The following ARSB variants were observed in gnomAD, a reference collection of about 807,000 sequenced individuals.
ARSB encodes the protein N-acetylgalactosamine-4-sulfatase.
A neutral mutation model predicts 50.9 loss-of-function variants in ARSB; 41 were observed. That is an observed-to-expected ratio of 0.81 (90% CI 0.63 to 1.04). The LOEUF (loss-of-function observed/expected upper bound fraction) is 1.04, where lower values mean the gene tolerates loss of function less well. Ranked by LOEUF, ARSB falls within the 50% of genes least tolerant of loss-of-function variation. The probability of loss-of-function intolerance (pLI) is 0.00; values close to 1 mark genes in which losing one functional copy is unlikely to be tolerated. For missense variants in ARSB, 672 were observed against 693.3 expected (o/e 0.97, Z 0.35); for synonymous variants, 269 against 284.8 (o/e 0.94, Z 0.56).
chr5:78,950,346 G>T (rs1258620685), intron 4 of ARSB, among the ~76,000 whole-genome samples: 2 of 152,152 alleles, frequency 1.3e-5, no homozygotes, highest in African/African-American at 2.4e-5. Context: ...ATAAGAACTG[G>T]CCCACCCTGC....
chr5:78,918,571 G>A (rs772064539), intron 4 of ARSB, among the ~76,000 whole-genome samples: 9 of 146,420 alleles, frequency 6.1e-5, no homozygotes, highest in Non-Finnish European at 1.2e-4. Context: ...ACACACACAT[G>A]CATGCACAAA....
chr5:78,822,222 T>A (rs907861532), intron 6 of ARSB, among the ~76,000 whole-genome samples: 2 of 152,210 alleles, frequency 1.3e-5, no homozygotes, highest in Non-Finnish European at 1.5e-5. Context: ...TATGTTAAAA[T>A]AATAAAGTTT....
rs77973138 is a variant in ARSB at position 78,820,918 on chromosome 5, T to C, written c.1213+18438A>G. ...TGGAAAGATCTCCAAGACAGATCAT[T>C]GACAGAAAAAAGTATGTGGCAAAAA... On this transcript the variant is annotated intron_variant, in intron 6 of 7. Transcript: ENST00000264914. Among the ~76,000 whole-genome samples the C allele has an allele frequency of 1.7e-4, 26 of 151,720 alleles. No homozygotes were observed. The East Asian group carries it at 5.0e-3, about 29-fold the overall frequency.
chr5:78,866,168 T>C (rs562767763), intron 5 of ARSB, among the ~76,000 whole-genome samples: 15 of 152,294 alleles, frequency 9.8e-5, no homozygotes, highest in African/African-American at 3.6e-4. Flanking sequence ...GACTGGGTAA[T>C]TTACCAAAGA....
intron 6 of ARSB, among the ~76,000 whole-genome samples, chr5:78,794,391 T>C (rs1001900241): frequency 6.6e-6 from 1 of 151,920 alleles, no homozygotes; most frequent in East Asian, 1.9e-4. Context: ...AATAAAAACA[T>C]CCAGTGTTTA....
intron 1 of ARSB, among the ~76,000 whole-genome samples, chr5:78,981,382 T>G (rs1243827263): frequency 6.6e-6 from 1 of 152,190 alleles, no homozygotes; most frequent in East Asian, 1.9e-4. Flanking sequence ...AGTTCATTTG[T>G]GAGGGCTGTG....
chr5:78,873,668 T>G (rs1194862357), intron 5 of ARSB, among the ~76,000 whole-genome samples: 1 of 150,808 alleles, frequency 6.6e-6, no homozygotes, highest in Non-Finnish European at 1.5e-5. Context: ...GCTAATTTTT[T>G]GTATTTTTAG....
chr5:78,960,084 A>G (rs1580129385), intron 3 of ARSB, among the ~76,000 whole-genome samples: 2 of 152,170 alleles, frequency 1.3e-5, no homozygotes, highest in East Asian at 3.8e-4. Context: ...CTTAGCTCCA[A>G]CCCTACCTGT....
chr5:78,850,495 A>C (rs887654842), intron 5 of ARSB, among the ~76,000 whole-genome samples: 1 of 151,704 alleles, frequency 6.6e-6, no homozygotes, highest in Admixed American at 6.6e-5. Flanking sequence ...ATCAATGTTC[A>C]TCAAGGATAT....
intron 5 of ARSB, among the ~76,000 whole-genome samples, chr5:78,846,962 G>A (rs186486085): frequency 9.2e-5 from 14 of 152,146 alleles, no homozygotes; most frequent in Admixed American, 4.6e-4. Context: ...ATTATGAAGC[G>A]ATGTTGAATT....
At chr5:78,848,061 A>C (rs114838026) in intron 5 of ARSB, among the ~76,000 whole-genome samples, 2,539 of 150,484 alleles carry the variant, frequency 0.017, 65 homozygotes, top group African/African-American at 0.058. Flanking sequence ...TTATTTTATT[A>C]TTATTATTAT....
At chr5:78,894,685 G>A (rs184237710) in intron 4 of ARSB, among the ~76,000 whole-genome samples, 1 of 152,302 alleles carries the variant, frequency 6.6e-6, no homozygotes, top group East Asian at 1.9e-4. Context: ...ACATGAAGCA[G>A]TTTGTTTAAA....
chr5:78,794,406 G>C (rs1027010449), intron 6 of ARSB, among the ~76,000 whole-genome samples: 2 of 152,202 alleles, frequency 1.3e-5, no homozygotes, highest in African/African-American at 2.4e-5. Flanking sequence ...TGTTTATTGA[G>C]GCCAGTGAAC....
intron 3 of ARSB, among the ~76,000 whole-genome samples, chr5:78,959,007 T>C (rs1044189258): frequency 6.6e-6 from 1 of 152,238 alleles, no homozygotes; most frequent in Non-Finnish European, 1.5e-5. Context: ...GTAAGTGATA[T>C]GGTTTGGCTG....
intron 5 of ARSB, among the ~76,000 whole-genome samples, chr5:78,848,929 A>T (rs1270035013): frequency 1.3e-5 from 2 of 149,878 alleles, no homozygotes; most frequent in Non-Finnish European, 3.0e-5. Flanking sequence ...TTTTTCTCGT[A>T]AATTTGTTTG....
chr5:78,925,810 G>A lies in ARSB; in HGVS notation c.898+29485C>T, dbSNP rs934770847. Among the ~76,000 whole-genome samples the A allele has an allele frequency of 9.9e-5, 15 of 152,086 alleles. No individual in the cohort carries two copies. In the South Asian group the frequency reaches 1.5e-3, roughly 15 times the overall value. On this transcript the variant is annotated intron_variant, in intron 4 of 7. Coordinates refer to ENST00000264914, the MANE Select transcript of ARSB (RefSeq NM_000046.5). ...AATGACTTCCCTGTGTTTATTTCCC[G>A]ATTTACAAAACGGTGATAATTATTT... is the stretch of plus-strand genomic sequence containing the variant.
chr5:78,834,806 G>A (rs1037434696), intron 6 of ARSB, among the ~76,000 whole-genome samples: 2 of 151,512 alleles, frequency 1.3e-5, no homozygotes, highest in African/African-American at 2.4e-5. Context: ...ACTCAGAAGT[G>A]GGATTGCTGG....
In ARSB at chr5:78,848,072, TTTA is replaced by T. The variant is rs1430451379; in HGVS notation, c.1143-8649_1143-8647del. Among the ~76,000 whole-genome samples, 9 of 150,870 alleles carry T rather than the reference TTTA, an allele frequency of 6.0e-5. No homozygotes were observed. The East Asian group carries it at 1.2e-3, about 19-fold the overall frequency. The stretch of plus-strand genomic sequence containing the variant: ...TTTTTTATTTTATTATTATTATTAT[TTTA>T]TTATTATTATACTTTAAGTTTTAGG... On this transcript the variant is annotated intron_variant, in intron 5 of 7. Transcript: ENST00000264914.
At chr5:78,788,360 T>C (rs897429953) in intron 6 of ARSB, among the ~76,000 whole-genome samples, 3 of 152,140 alleles carry the variant, frequency 2.0e-5, no homozygotes, top group South Asian at 2.1e-4. Flanking sequence ...CCCCTAGAAA[T>C]TGGGAGTTGT....
Sources: gnomAD v4.1 joint callset for allele counts (sites outside exome capture counted in the v4.1 genomes callset) on GRCh38, gnomAD v4.1.1 for gene constraint, MANE v1.5 for transcripts, NCBI Gene and HGNC (gene_info 2026-07-23, HGNC 2026-07-21) for gene names.